CNTN4: variants seen among roughly 807,000 people sequenced by gnomAD.
The protein encoded by CNTN4 is contactin-4.
In CNTN4, 77 loss-of-function variants were observed where a neutral mutation model predicts 122.5. That is an observed-to-expected ratio of 0.63 (90% CI 0.52 to 0.76). The LOEUF (loss-of-function observed/expected upper bound fraction) is 0.76, where lower values mean the gene tolerates loss of function less well. Among genes scored for constraint, CNTN4 ranks in the 30% least tolerant of loss-of-function variants. CNTN4 has a pLI of 0.00. For synonymous variants in CNTN4, 512 were observed against 447.0 expected, an observed-to-expected ratio of 1.15 and a Z score of -1.83; for missense variants, 1,256 against 1,259.1, an observed-to-expected ratio of 1.00 and a Z score of 0.04.
At chr3:2,195,394 A>T (rs1171275902) in intron 2 of CNTN4, among the ~76,000 whole-genome samples, 7 of 152,206 alleles carry the variant, frequency 4.6e-5, no homozygotes, top group Admixed American at 4.6e-4. Context: ...GGGAGTGAAG[A>T]TGTTCCTTTG....
intron 2 of CNTN4, among the ~76,000 whole-genome samples, chr3:2,326,529 A>ACACAC (rs1559455091): frequency 1.5e-4 from 15 of 100,198 alleles, no homozygotes; most frequent in Non-Finnish European, 9.9e-5. Flanking sequence ...CACACACACA[A>ACACAC]TCTTACTGAT....
At chr3:2,739,194 C>T (rs2089313563) in intron 5 of CNTN4, among the ~76,000 whole-genome samples, 1 of 152,070 alleles carries the variant, frequency 6.6e-6, no homozygotes, top group Admixed American at 6.5e-5. Context: ...ACGACATACT[C>T]TTTCAAAACT....
chr3:2,836,214 G>T (rs1307524186), intron 7 of CNTN4, among the ~76,000 whole-genome samples: 1 of 152,106 alleles, frequency 6.6e-6, no homozygotes, highest in Non-Finnish European at 1.5e-5. Flanking sequence ...ATTGAAAGTT[G>T]TCAAGATTTA....
At chr3:2,352,959 A>G (rs1180969504) in intron 3 of CNTN4, among the ~76,000 whole-genome samples, 1 of 151,930 alleles carries the variant, frequency 6.6e-6, no homozygotes, top group Non-Finnish European at 1.5e-5. Flanking sequence ...TAGCTAATCT[A>G]GTGGAGACTT....
intron 3 of CNTN4, among the ~76,000 whole-genome samples, chr3:2,487,494 G>T (rs1311226237): frequency 6.6e-6 from 1 of 152,140 alleles, no homozygotes; most frequent in Non-Finnish European, 1.5e-5. Flanking sequence ...GGGATTTAGA[G>T]ATAAATACAT....
intron 4 of CNTN4, among the ~76,000 whole-genome samples, chr3:2,580,037 AT>A (rs2079865523): frequency 6.7e-6 from 1 of 150,006 alleles, no homozygotes; most frequent in African/African-American, 2.5e-5. Context: ...TTAAGCTTGT[AT>A]GTGTGTGTGT....
chr3:2,327,153 T>TGTGTTTGTG (rs1559455687), intron 2 of CNTN4, among the ~76,000 whole-genome samples: 5 of 114,004 alleles, frequency 4.4e-5, no homozygotes, highest in Admixed American at 8.4e-5. Flanking sequence ...GTGTGTGTGT[T>TGTGTTTGTG]TGTGTGTGTG....
At chr3:3,025,761 G>C (rs1055909285) in intron 14 of CNTN4, among the ~76,000 whole-genome samples, 1 of 152,124 alleles carries the variant, frequency 6.6e-6, no homozygotes, top group Non-Finnish European at 1.5e-5. Flanking sequence ...AGTGAAACTG[G>C]AGAGAGACGA....
intron 6 of CNTN4, among the ~76,000 whole-genome samples, chr3:2,800,294 C>A (rs963050885): frequency 6.6e-6 from 1 of 151,954 alleles, no homozygotes; most frequent in Non-Finnish European, 1.5e-5. Context: ...CCCTGACATT[C>A]GATTTATTTC....
At chr3:2,221,269 A>G (rs1009152269) in intron 2 of CNTN4, among the ~76,000 whole-genome samples, 1 of 152,110 alleles carries the variant, frequency 6.6e-6, no homozygotes, top group Non-Finnish European at 1.5e-5. Context: ...TTTTCCTCTG[A>G]GGAAGTCTGA....
intron 7 of CNTN4, among the ~76,000 whole-genome samples, chr3:2,833,402 A>G (rs1576984102): frequency 6.6e-6 from 1 of 152,360 alleles, no homozygotes; most frequent in East Asian, 1.9e-4. Context: ...TATAATAATC[A>G]GAAAGCTTCA....
chr3:3,037,384 A>T (rs764866986), intron 18 of CNTN4, 56 bp downstream of exon 18: 11 of 1,611,506 alleles, frequency 6.8e-6, no homozygotes, highest in Non-Finnish European at 9.3e-6. Flanking sequence ...TTCCTTAGGA[A>T]AAGCGTTTGA....
intron 13 of CNTN4, among the ~76,000 whole-genome samples, chr3:2,981,409 A>C (rs143956025): frequency 0.1 from 15,733 of 151,974 alleles, 889 homozygotes; most frequent in Non-Finnish European, 0.11. Flanking sequence ...GCAGCACTGC[A>C]CTCCAGCCTG....
chr3:3,005,947 A>G (rs1047507910), intron 14 of CNTN4, among the ~76,000 whole-genome samples: 13 of 146,318 alleles, frequency 8.9e-5, no homozygotes, highest in Middle Eastern at 3.5e-3. Context: ...GTGCAGTGGC[A>G]CGATCTCGGC....
At chr3:2,656,482 C>A (rs1283823361) in intron 4 of CNTN4, among the ~76,000 whole-genome samples, 1 of 152,196 alleles carries the variant, frequency 6.6e-6, no homozygotes, top group East Asian at 1.9e-4. Context: ...TGTTTTCTCC[C>A]AGTACATTGT....
chr3:2,222,272 A>G (rs762817305), intron 2 of CNTN4, among the ~76,000 whole-genome samples: 11 of 152,222 alleles, frequency 7.2e-5, no homozygotes, highest in Non-Finnish European at 1.3e-4. Flanking sequence ...ACATTCTGCT[A>G]AGTGAAAGAA....
intron 20 of CNTN4, 84 bp downstream of exon 20, chr3:3,040,355 G>T (rs113608201): frequency 1.2e-5 from 12 of 1,041,776 alleles, no homozygotes; most frequent in African/African-American, 6.2e-5. Flanking sequence ...AATCAATTTC[G>T]CATGGTACAT....
intron 4 of CNTN4, among the ~76,000 whole-genome samples, chr3:2,594,105 G>A (rs116165254): frequency 0.024 from 3,634 of 152,252 alleles, 68 homozygotes; most frequent in Middle Eastern, 0.048. Context: ...CGTTTTACAA[G>A]CAGGAGATTA....
At chr3:2,594,900 G>T (rs977983580) in intron 4 of CNTN4, among the ~76,000 whole-genome samples, 5 of 152,070 alleles carry the variant, frequency 3.3e-5, no homozygotes, top group Admixed American at 6.6e-5. Context: ...TCTTGCCTCT[G>T]ATCCCAATCT....
Sources: gnomAD v4.1 joint callset for allele counts (sites outside exome capture counted in the v4.1 genomes callset) on GRCh38, gnomAD v4.1.1 for gene constraint, MANE v1.5 for transcripts, NCBI Gene and HGNC (gene_info 2026-07-23, HGNC 2026-07-21) for gene names.